EIF3H: variants seen among roughly 807,000 people sequenced by gnomAD.
EIF3H encodes eIF-3-gamma.
Under a neutral mutation model 44.2 loss-of-function variants are expected in EIF3H, and 26 were observed. The observed-to-expected ratio is 0.59, with a 90% CI of 0.43 to 0.82. EIF3H has a LOEUF of 0.82. Among genes scored for constraint, EIF3H ranks in the 40% least tolerant of loss-of-function variants. EIF3H has a pLI of 0.00. For synonymous variants in EIF3H, 166 were observed against 151.9 expected, an observed-to-expected ratio of 1.09 and a Z score of -0.68; for missense variants, 359 against 432.8, an observed-to-expected ratio of 0.83 and a Z score of 1.51.
intron 1 of EIF3H, among the ~76,000 whole-genome samples, chr8:116,747,517 C>T (rs1356211391): frequency 1.3e-5 from 2 of 152,176 alleles, no homozygotes; most frequent in African/African-American, 4.8e-5. Context: ...GAAAGGATTT[C>T]AAATTATCTG....
At chr8:116,731,868 T>C (rs1222642895) in intron 1 of EIF3H, among the ~76,000 whole-genome samples, 6 of 152,238 alleles carry the variant, frequency 3.9e-5, no homozygotes, top group Admixed American at 3.9e-4. Context: ...AACTTGCCAG[T>C]AGAAACCCAA....
At position 116,755,788 on chromosome 8, in the gene EIF3H, G is replaced by A. The variant is rs752783910; in HGVS notation, c.10C>T (p.Arg4Cys). 1.6e-5 allele frequency: 26 copies of A among 1,613,544 alleles called. No individual in the cohort carries two copies. Among genetic ancestry groups the A allele is most frequent in the Non-Finnish European group, 2.0e-5 (24 of 1,180,026 alleles). ...GCAGTAGAGCCGGTACCTTCCTTGC[G>A]GGACGCCATCTTTCCAAGCAGACAG... MAS[R>C]KEGTGSTATS... Residue 4 changes from arginine (R) to cysteine (C), a missense_variant, in exon 1 of 8, where the codon CGC (arginine) becomes TGC (cysteine). Arg to Cys is a radical substitution (Grantham distance 180, BLOSUM62 -3). Around this residue, in one of 5 missense-constraint regions of EIF3H, gnomAD observed 59 missense variants for 33.5 expected, o/e 1.76. Coordinates refer to ENST00000521861, the MANE Select transcript of EIF3H (RefSeq NM_003756.3).
chr8:116,736,339 T>A (rs1815039337), intron 1 of EIF3H, among the ~76,000 whole-genome samples: 1 of 152,186 alleles, frequency 6.6e-6, no homozygotes, highest in Non-Finnish European at 1.5e-5. Context: ...TGTTTATAGT[T>A]ACTAAAGTTC....
chr8:116,715,341 GAAAA>G (rs35579703), intron 2 of EIF3H, among the ~76,000 whole-genome samples: 1 of 147,966 alleles, frequency 6.8e-6, no homozygotes, highest in Non-Finnish European at 1.5e-5. Flanking sequence ...TACTGAAAAT[GAAAA>G]AAAAACAGAT....
At chr8:116,703,332 C>CCATT (rs1280262426) in intron 2 of EIF3H, among the ~76,000 whole-genome samples, 1 of 148,272 alleles carries the variant, frequency 6.7e-6, no homozygotes, top group Non-Finnish European at 1.5e-5. Context: ...TGGGAAGCAC[C>CCATT]CATTACTTAG....
intron 1 of EIF3H, among the ~76,000 whole-genome samples, chr8:116,752,789 G>GA (rs1357815901): frequency 0.43 from 34,135 of 79,880 alleles, 9,781 homozygotes; most frequent in Non-Finnish European, 0.52. Context: ...GGGAGGGAGG[G>GA]AGGGAGGGAA....
At chr8:116,749,950 C>A (rs1211579939) in intron 1 of EIF3H, among the ~76,000 whole-genome samples, 1 of 152,290 alleles carries the variant, frequency 6.6e-6, no homozygotes, top group Non-Finnish European at 1.5e-5. Flanking sequence ...TTGGTCTTGG[C>A]CACTATCAAT....
chr8:116,709,271 A>G (rs1360733297), intron 2 of EIF3H, among the ~76,000 whole-genome samples: 1 of 152,168 alleles, frequency 6.6e-6, no homozygotes, highest in Non-Finnish European at 1.5e-5. Flanking sequence ...ACTTTCTGAT[A>G]AGACAACCCT....
chr8:116,684,937 C>G (rs1814048640), intron 2 of EIF3H, among the ~76,000 whole-genome samples: 2 of 152,138 alleles, frequency 1.3e-5, no homozygotes, highest in Admixed American at 6.5e-5. Context: ...ATTTGCTGTA[C>G]AGTCAAGAAA....
intron 1 of EIF3H, among the ~76,000 whole-genome samples, chr8:116,735,497 C>T (rs6469659): frequency 0.44 from 67,324 of 152,066 alleles, 18,767 homozygotes; most frequent in Non-Finnish European, 0.62. Context: ...AGCTAAAAAC[C>T]GGAATCAACC....
chr8:116,678,210 G>C (rs1392792471), intron 2 of EIF3H, among the ~76,000 whole-genome samples: 2 of 152,082 alleles, frequency 1.3e-5, no homozygotes, highest in East Asian at 3.9e-4. Flanking sequence ...GGCCGGGCTG[G>C]TCTCCAGCTC....
intron 2 of EIF3H, among the ~76,000 whole-genome samples, chr8:116,690,127 C>G (rs1814149290): frequency 6.6e-6 from 1 of 152,204 alleles, no homozygotes; most frequent in African/African-American, 2.4e-5. Context: ...GCTCTCCGCT[C>G]ATTCTTTTCT....
At chr8:116,760,805 A>T (rs1176313792), upstream of EIF3H, among the ~76,000 whole-genome samples, 1 of 152,234 alleles carries the variant, frequency 6.6e-6, no homozygotes, top group Admixed American at 6.5e-5. Context: ...CTGCTTAAAA[A>T]TATATACAAA....
chr8:116,755,886 C>T, upstream of EIF3H: 1 of 1,576,354 alleles, frequency 6.3e-7, no homozygotes, highest in Non-Finnish European at 8.6e-7. Context: ...GGCCGGCGTT[C>T]GAGGGGCGGA....
At chr8:116,652,617 GTAGA>G (rs1178220046) in intron 5 of EIF3H, among the ~76,000 whole-genome samples, 1 of 152,146 alleles carries the variant, frequency 6.6e-6, no homozygotes, top group Admixed American at 6.5e-5. Flanking sequence ...GTTTACGTAC[GTAGA>G]TAGAGTGCAA....
chr8:116,646,654 A>T (rs2130770562), intron 6 of EIF3H, 51 bp from the exon 7 acceptor site: 1 of 1,598,102 alleles, frequency 6.3e-7, no homozygotes, highest in Non-Finnish European at 8.6e-7. Context: ...TCTGAGGAGG[A>T]AAAAAAGATG....
intron 1 of EIF3H, among the ~76,000 whole-genome samples, chr8:116,744,357 C>T (rs567883793): frequency 6.6e-6 from 1 of 152,132 alleles, no homozygotes; most frequent in Admixed American, 6.5e-5. Flanking sequence ...GGGTCAAAGA[C>T]TCAAAGGATT....
intron 2 of EIF3H, among the ~76,000 whole-genome samples, chr8:116,700,645 A>G (rs1814359824): frequency 6.6e-6 from 1 of 152,228 alleles, no homozygotes; most frequent in African/African-American, 2.4e-5. Flanking sequence ...CTAGTGAGTC[A>G]AGCAACATAA....
chr8:116,655,879 A>G lies in EIF3H; in HGVS notation c.684T>C (p.His228=), dbSNP rs139268505. Residue 228 remains histidine, a synonymous_variant, in exon 5 of 8, where the codon CAT becomes CAC. Transcript: ENST00000521861. ...ACCTGCTGGCAAGGCTGAGCAATTC[A>G]TGTTTATCTGCAACAGCTGACTTCT... ...LEKKSAVADK[H]ELLSLASSNH... is the part of the protein sequence containing the mutation. 100 of 1,613,666 alleles carry G rather than the reference A, an allele frequency of 6.2e-5. No homozygotes were observed. The highest frequency in any genetic ancestry group is 7.9e-5 in the Non-Finnish European group (93 of 1,179,770).
Sources: gnomAD v4.1 joint callset for allele counts (sites outside exome capture counted in the v4.1 genomes callset) on GRCh38, gnomAD v4.1.1 for gene constraint, gnomAD v4.1.1 regional missense constraint, MANE v1.5 for transcripts, NCBI Gene and HGNC (gene_info 2026-07-23, HGNC 2026-07-21) for gene names.